HTR4: variants seen among roughly 807,000 people sequenced by gnomAD.
HTR4 encodes 5-hydroxytryptamine (serotonin) receptor 4, G protein-coupled.
Under a neutral mutation model 36.8 loss-of-function variants are expected in HTR4, and 16 were observed. That is an observed-to-expected ratio of 0.43 (90% CI 0.29 to 0.66). The LOEUF is 0.66. Among genes scored for constraint, HTR4 ranks in the 30% least tolerant of loss-of-function variants. The pLI is 0.13. For missense variants in HTR4, 438 were observed against 490.9 expected (o/e 0.89, Z 1.02); for synonymous variants, 189 against 185.1 (o/e 1.02, Z -0.17).
intron 2 of HTR4, chr5:148,628,774 G>T (rs950519679): frequency 1.6e-4 from 25 of 152,260 alleles, no homozygotes; most frequent in Non-Finnish European, 2.8e-4. Flanking sequence ...CATAGGCAAG[G>T]CTCCAAATTA....
At chr5:148,625,173 T>C (rs1224977688) in intron 2 of HTR4, among the ~76,000 whole-genome samples, 1 of 152,048 alleles carries the variant, frequency 6.6e-6, no homozygotes, top group Non-Finnish European at 1.5e-5. Context: ...GAAAAATGAA[T>C]TGGAGTTAGG....
intron 2 of HTR4, among the ~76,000 whole-genome samples, chr5:148,610,378 C>T (rs6580560): frequency 4.0e-5 from 6 of 151,878 alleles, no homozygotes; most frequent in East Asian, 3.9e-4. Flanking sequence ...CCGTGACCCC[C>T]GAGCAGCCTA....
chr5:148,529,280 G>A (rs1392078724), intron 4 of HTR4, among the ~76,000 whole-genome samples: 1 of 152,134 alleles, frequency 6.6e-6, no homozygotes, highest in Non-Finnish European at 1.5e-5. Flanking sequence ...CCTCTGATAT[G>A]GTTTGGCTGT....
At chr5:148,511,598 T>G (rs962938148) in intron 5 of HTR4, among the ~76,000 whole-genome samples, 1 of 151,634 alleles carries the variant, frequency 6.6e-6, no homozygotes, top group Non-Finnish European at 1.5e-5. Context: ...ATAAAACTGT[T>G]ATGAATATTC....
At chr5:148,479,223 T>C (rs1755799485), downstream of HTR4, among the ~76,000 whole-genome samples, 1 of 152,066 alleles carries the variant, frequency 6.6e-6, no homozygotes, top group East Asian at 1.9e-4. Context: ...GGCAGACAGG[T>C]AGAATCTGGT....
intron 2 of HTR4, among the ~76,000 whole-genome samples, chr5:148,627,141 C>T (rs370581607): frequency 3.3e-5 from 5 of 152,144 alleles, no homozygotes; most frequent in Non-Finnish European, 5.9e-5. Flanking sequence ...CTACTGTCAC[C>T]GTTTCCTCAG....
Position 148,564,907 on chromosome 5 carries a change from C to T in HTR4, c.27-14645G>A, listed in dbSNP as rs1010705446. ...TGGGTGGATCATAAGGTCAGGAGTT[C>T]GAGACCAGCCTGGCCAGTATGGTGA... On this transcript the variant is annotated intron_variant, in intron 2 of 6. Transcript: ENST00000377888. 4.6e-5 allele frequency among the ~76,000 whole-genome samples: 7 copies of T among 151,964 alleles called. No homozygotes were observed. In the East Asian group the frequency reaches 7.8e-4, roughly 17 times the overall value.
In HTR4 at chr5:148,516,312, CTTTTT is replaced by C. The variant is rs954784476; in HGVS notation, c.508-6293_508-6289del. Among the ~76,000 whole-genome samples, 147 of 76,492 alleles carry C rather than the reference CTTTTT, an allele frequency of 1.9e-3. 1 individual carries two copies. In the South Asian group the frequency reaches 0.027, roughly 14 times the overall value. The allele number at this position is 76,492 out of a possible 152,430, so 50.2% of individuals were successfully genotyped here. ...CAGTATTTCCATTCAATTCCCCCCT[CTTTTT>C]TTTTTTTTTTTTTTTTTTTTGAGAC... On this transcript the variant is annotated intron_variant, in intron 5 of 6. Coordinates refer to ENST00000377888, the MANE Select transcript of HTR4 (RefSeq NM_000870.7).
intron 2 of HTR4, among the ~76,000 whole-genome samples, chr5:148,603,714 T>G (rs535466534): frequency 6.6e-6 from 1 of 152,182 alleles, no homozygotes; most frequent in South Asian, 2.1e-4. Flanking sequence ...TTAATTTTAT[T>G]TTGACATAAC....
chr5:148,610,029 G>C (rs1240178432), intron 2 of HTR4, among the ~76,000 whole-genome samples: 2 of 152,156 alleles, frequency 1.3e-5, no homozygotes, highest in Non-Finnish European at 2.9e-5. Context: ...AATTTTATAA[G>C]TTCCAGAAGG....
intron 6 of HTR4, chr5:148,490,598 A>T: frequency 2.6e-6 from 3 of 1,165,752 alleles, no homozygotes; most frequent in Non-Finnish European, 3.2e-6. Flanking sequence ...CAATCTACTC[A>T]CCTCTTCCCC....
At chr5:148,461,168 G>T (rs367950968) in intron 5 of HTR4, among the ~76,000 whole-genome samples, 72 of 152,032 alleles carry the variant, frequency 4.7e-4, no homozygotes, top group African/African-American at 1.4e-3. Flanking sequence ...AATATAAAAT[G>T]CTTATTTAAA....
intron 6 of HTR4, among the ~76,000 whole-genome samples, chr5:148,505,397 C>T (rs1164093238): frequency 6.6e-6 from 1 of 152,100 alleles, no homozygotes; most frequent in Non-Finnish European, 1.5e-5. Flanking sequence ...CTATTTATGA[C>T]AAACCCACAG....
intron 2 of HTR4, among the ~76,000 whole-genome samples, chr5:148,600,286 A>C (rs1359301207): frequency 6.8e-6 from 1 of 147,986 alleles, no homozygotes; most frequent in Non-Finnish European, 1.5e-5. Flanking sequence ...ACATATATAC[A>C]TATATAAACA....
chr5:148,505,289 A>G (rs946029547), intron 6 of HTR4, among the ~76,000 whole-genome samples: 3 of 152,226 alleles, frequency 2.0e-5, no homozygotes, highest in Non-Finnish European at 2.9e-5. Flanking sequence ...TTATCTCAAT[A>G]GATGCAGAAA....
Position 148,571,208 on chromosome 5 carries a change from C to T in HTR4, c.27-20946G>A, listed in dbSNP as rs1026333118. 7.2e-5 allele frequency among the ~76,000 whole-genome samples: 11 copies of T among 152,220 alleles called. No individual in the cohort carries two copies. In the East Asian group the frequency reaches 1.7e-3, roughly 24 times the overall value. ...CCTTTTACTTATAAATAAAAAGAAT[C>T]TTGCATGGTAATTTCCATACACTGA... On this transcript the variant is annotated intron_variant, in intron 2 of 6. Transcript: ENST00000377888.
Position 148,552,152 on chromosome 5 carries a change from A to G in HTR4, c.27-1890T>C, listed in dbSNP as rs551684729. Among the ~76,000 whole-genome samples, 2 of 152,350 alleles carry G rather than the reference A, an allele frequency of 1.3e-5. 1 individual carries two copies. Among genetic ancestry groups the G allele is most frequent in the South Asian group, 4.1e-4 (2 of 4,824 alleles). On this transcript the variant is annotated intron_variant, in intron 2 of 6. Coordinates refer to ENST00000377888, the MANE Select transcript of HTR4 (RefSeq NM_000870.7). The stretch of plus-strand genomic sequence containing the variant: ...AAGCTGGCACAGAAGACAAGGGGCC[A>G]AAGGGAATGAGGAACCAGTCTGGCA...
chr5:148,524,278 C>T (rs1231789540), intron 4 of HTR4, among the ~76,000 whole-genome samples: 4 of 152,160 alleles, frequency 2.6e-5, no homozygotes, highest in Admixed American at 6.5e-5. Context: ...ACCAATGAAT[C>T]ATGAACAGAA....
chr5:148,590,862 T>C (rs892968809), intron 2 of HTR4, among the ~76,000 whole-genome samples: 2 of 152,218 alleles, frequency 1.3e-5, no homozygotes, highest in Non-Finnish European at 2.9e-5. Context: ...TTTTTGCTTT[T>C]GTTGCATTTG....
Sources: allele counts gnomAD v4.1 joint callset (sites outside exome capture counted in the v4.1 genomes callset), GRCh38; gene constraint gnomAD v4.1.1; transcripts MANE v1.5; gene names NCBI Gene and HGNC (gene_info 2026-07-23, HGNC 2026-07-21).